The following COX19 variants were observed in gnomAD, a reference collection of about 807,000 sequenced individuals.
COX19 encodes cytochrome c oxidase assembly factor COX19.
A neutral mutation model predicts 6.8 loss-of-function variants in COX19; 8 were observed. That is an observed-to-expected ratio of 1.18 (90% CI 0.69 to 2.12). The LOEUF is 2.12. Ranked by LOEUF, COX19 falls within the 30% of genes most tolerant of loss-of-function variation. The pLI is 0.00. For missense variants in COX19, 131 were observed against 104.6 expected (o/e 1.25, Z -1.10); for synonymous variants, 51 against 38.0 (o/e 1.34, Z -1.26).
rs1847556680 is a variant in COX19, at chr7:966,462, T to C, written c.*2916A>G. The C allele has an allele frequency of 6.6e-6, 1 of 152,310 alleles. No homozygotes were observed. Among genetic ancestry groups the C allele is most frequent in the Non-Finnish European group, 1.5e-5 (1 of 68,110 alleles). The allele number at this position is 152,310 out of a possible 1,614,324, so 9.4% of individuals were successfully genotyped here. On this transcript the variant is annotated 3_prime_UTR_variant, in exon 3 of 3. Transcript: ENST00000344111. ...AGCCGCTGCGCCCAGCCTGTTTATT[T>C]TCACGCTCACACTGCCCCAGGCTGG...
rs1042706116 is a variant in COX19, at chr7:965,146, A to G, written c.*4232T>C. ...TGCCTGTGACCTGCTGAAACCATTC[A>G]TGCCGGCATCATGCCTATTGGAAAC... is the stretch of plus-strand genomic sequence containing the variant. On this transcript the variant is annotated 3_prime_UTR_variant, in exon 3 of 3. Coordinates refer to ENST00000344111, the MANE Select transcript of COX19 (RefSeq NM_001031617.3). Among the ~76,000 whole-genome samples the G allele has an allele frequency of 4.6e-5, 7 of 152,154 alleles. 1 individual carries two copies. Among genetic ancestry groups the G allele is most frequent in the African/African-American group, 1.7e-4 (7 of 41,400 alleles).
At position 969,829 on chromosome 7, in the gene COX19, C is replaced by G. The variant is rs1254596315; in HGVS notation, c.195-373G>C. On this transcript the variant is annotated intron_variant, in intron 2 of 2. Transcript: ENST00000344111. ...TGCTTTGATTGGCAGGATAATGACC[C>G]CTAAAGGTGTTCACGCCCTAATCCC... 1.3e-5 allele frequency among the ~76,000 whole-genome samples: 2 copies of G among 152,190 alleles called. 1 individual carries two copies. Among genetic ancestry groups the G allele is most frequent in the Admixed American group, 1.3e-4 (2 of 15,292 alleles).
In COX19 at chr7:965,723, C is replaced by T. The variant is rs144162921; in HGVS notation, c.*3655G>A. 6.6e-6 allele frequency among the ~76,000 whole-genome samples: 1 copy of T among 152,378 alleles called. No individual in the cohort carries two copies. The highest frequency in any genetic ancestry group is 1.9e-4 in the East Asian group (1 of 5,188). ...TGGCACAATCCCTGCTCACTGCAAC[C>T]TCTGCCTCCTGGTTTAGGCAATTCT... On this transcript the variant is annotated 3_prime_UTR_variant, in exon 3 of 3. Coordinates refer to ENST00000344111, the MANE Select transcript of COX19 (RefSeq NM_001031617.3).
chr7:972,284 C>T (rs778010921), intron 2 of COX19, among the ~76,000 whole-genome samples: 5 of 152,222 alleles, frequency 3.3e-5, no homozygotes, highest in Non-Finnish European at 7.3e-5. Flanking sequence ...AAAGGCAGAA[C>T]GTGGCCTCAC....
intron 2 of COX19, among the ~76,000 whole-genome samples, chr7:971,164 C>G (rs980979947): frequency 1.3e-5 from 2 of 152,210 alleles, no homozygotes; most frequent in African/African-American, 2.4e-5. Context: ...CTGTGTGACA[C>G]CCGGTGCCTA....
intron 2 of COX19, among the ~76,000 whole-genome samples, chr7:970,496 G>T (rs1847620202): frequency 7.0e-6 from 1 of 142,496 alleles, no homozygotes; most frequent in Admixed American, 7.1e-5. Flanking sequence ...AGGCTGGAGT[G>T]CAGCGGCATG....
chr7:972,074 C>T (rs1847644225), intron 2 of COX19, among the ~76,000 whole-genome samples: 1 of 152,136 alleles, frequency 6.6e-6, no homozygotes, highest in South Asian at 2.1e-4. Context: ...GAACACAGCT[C>T]AATTCACACC....
intron 1 of COX19, among the ~76,000 whole-genome samples, chr7:973,937 G>C (rs943855924): frequency 6.6e-6 from 1 of 152,156 alleles, no homozygotes; most frequent in Non-Finnish European, 1.5e-5. Context: ...CTGCACTCCA[G>C]CCTGGGTGAC....
intron 2 of COX19, among the ~76,000 whole-genome samples, chr7:972,060 A>T (rs1847644090): frequency 6.6e-6 from 1 of 152,166 alleles, no homozygotes; most frequent in Non-Finnish European, 1.5e-5. Context: ...TCACACCCTC[A>T]CATGAACACA....
At chr7:975,077 T>A in intron 1 of COX19, 1 of 266,020 alleles carries the variant, frequency 3.8e-6, no homozygotes. Flanking sequence ...AGGCACCGTC[T>A]AAGCCTCGGC....
In COX19 at chr7:968,535, T is replaced by G; in HGVS notation, c.*843A>C. 1 of 152,260 alleles carries G rather than the reference T, an allele frequency of 6.6e-6. No homozygotes were observed. The highest frequency in any genetic ancestry group is 1.9e-4 in the East Asian group (1 of 5,208). The allele number at this position is 152,260 out of a possible 1,614,324, so 9.4% of individuals were successfully genotyped here. A position where few individuals can be genotyped will look rare whatever the true frequency, so the allele number is the denominator to read the frequency against. Reference sequence around the variant, plus strand: ...GGCACCTGCGTTCCATCCACAGGTTTGGGCCCCGGCTGGCCTGACGCACTG... The same window carrying G: ...GGCACCTGCGTTCCATCCACAGGTTGGGGCCCCGGCTGGCCTGACGCACTG... On this transcript the variant is annotated 3_prime_UTR_variant, in exon 3 of 3. Coordinates refer to ENST00000344111, the MANE Select transcript of COX19 (RefSeq NM_001031617.3).
In COX19 at chr7:973,963, T is replaced by C. The variant is rs559672982; in HGVS notation, c.83-671A>G. On this transcript the variant is annotated intron_variant, in intron 1 of 2. Coordinates refer to ENST00000344111, the MANE Select transcript of COX19 (RefSeq NM_001031617.3). ...CCTGGGTGACAGAGTGAGACTCCATTTCAAAAATAAATAAATAAATGATCC... is the reference window on the plus strand; with the variant it reads ...CCTGGGTGACAGAGTGAGACTCCATCTCAAAAATAAATAAATAAATGATCC... Among the ~76,000 whole-genome samples, 1,406 of 150,254 alleles carry C rather than the reference T, an allele frequency of 9.4e-3. 13 individuals carry two copies. The highest frequency in any genetic ancestry group is 0.032 in the African/African-American group (1,297 of 40,766).
chr7:969,478 G>C, intron 2 of COX19, 22 bp from the exon 3 acceptor site: 1 of 1,518,714 alleles, frequency 6.6e-7, no homozygotes. Flanking sequence ...AGAGAAAGCT[G>C]TCAGGGCGGG....
rs995124029 is a variant in COX19, at chr7:969,340, G to C, written c.*38C>G. ...CAGGATGATGCCCTCCGTCCTGAGA[G>C]ACCACTGAACACGGCCCAGGGGTCT... On this transcript the variant is annotated 3_prime_UTR_variant, in exon 3 of 3. Coordinates refer to ENST00000344111, the MANE Select transcript of COX19 (RefSeq NM_001031617.3). 2.3e-6 allele frequency: 3 copies of C among 1,298,840 alleles called. No homozygotes were observed. The highest frequency in any genetic ancestry group is 3.4e-6 in the Non-Finnish European group (3 of 892,564). 80.5% of individuals were successfully genotyped at this position (1,298,840 alleles called of 1,614,324 possible).
At chr7:973,341 G>A (rs1467064770) in intron 1 of COX19, 49 bp from the exon 2 acceptor site, 2 of 1,521,270 alleles carry the variant, frequency 1.3e-6, no homozygotes, top group South Asian at 1.3e-5. Flanking sequence ...GAAAAGTGAT[G>A]CAACCACACA....
chr7:972,028 G>A (rs1327693365), intron 2 of COX19, among the ~76,000 whole-genome samples: 2 of 152,186 alleles, frequency 1.3e-5, no homozygotes, highest in Admixed American at 6.5e-5. Context: ...AGGGGAAGCT[G>A]AGCATGAGGC....
chr7:970,607 C>G (rs1384293458), intron 2 of COX19, among the ~76,000 whole-genome samples: 1 of 151,952 alleles, frequency 6.6e-6, no homozygotes, highest in Non-Finnish European at 1.5e-5. Context: ...CCATGCCTGG[C>G]TAATTTTTAT....
At chr7:973,401 G>C in intron 1 of COX19, 109 bp from the exon 2 acceptor site, 1 of 1,353,318 alleles carries the variant, frequency 7.4e-7, no homozygotes, top group South Asian at 1.6e-5. Flanking sequence ...GTTTCCTCAG[G>C]CCGGGCGCAG....
At chr7:974,365 G>A (rs562960012) in intron 1 of COX19, among the ~76,000 whole-genome samples, 11 of 152,232 alleles carry the variant, frequency 7.2e-5, no homozygotes, top group African/African-American at 2.6e-4. Context: ...AGGAGGCCGA[G>A]GCTTCAGTGA....
Sources: gnomAD v4.1 joint callset for allele counts (sites outside exome capture counted in the v4.1 genomes callset) on GRCh38, gnomAD v4.1.1 for gene constraint, MANE v1.5 for transcripts, NCBI Gene and HGNC (gene_info 2026-07-23, HGNC 2026-07-21) for gene names.